The following UTRN variants were observed in gnomAD, a reference collection of about 807,000 sequenced individuals.
UTRN encodes the protein dystrophin-related protein 1.
UTRN carries 283 observed loss-of-function variants against 463.9 expected under a neutral mutation model. The ratio of observed to expected loss-of-function variants is 0.61; its 90% CI spans 0.55 to 0.67. The LOEUF is 0.67. Among genes scored for constraint, UTRN ranks in the 30% least tolerant of loss-of-function variants. The probability of loss-of-function intolerance (pLI) is 0.00; values close to 1 mark genes in which losing one functional copy is unlikely to be tolerated. For synonymous variants in UTRN, 1,442 were observed against 1,431.5 expected (o/e 1.01, Z -0.17); for missense variants, 3,922 against 4,084.3 (o/e 0.96, Z 1.08).
intron 61 of UTRN, among the ~76,000 whole-genome samples, chr6:144,786,281 A>G (rs1776282749): frequency 6.6e-6 from 1 of 151,758 alleles, no homozygotes; most frequent in Non-Finnish European, 1.5e-5. Context: ...AATGCATCTT[A>G]TTTGTTTGTT....
chr6:144,722,247 C>A lies in UTRN; in HGVS notation c.7810-8110C>A, dbSNP rs562082467. Among the ~76,000 whole-genome samples, 62 of 152,296 alleles carry A rather than the reference C, an allele frequency of 4.1e-4. 1 individual carries two copies. The South Asian group carries it at 0.012, about 31-fold the overall frequency. On this transcript the variant is annotated intron_variant, in intron 53 of 74. Transcript: ENST00000367545. ...GCATGCACTTGCCTCAGAGCCTTTG[C>A]ACTTTCCATTTTCTCTGCCTAGATT... is the stretch of plus-strand genomic sequence containing the variant.
At chr6:144,453,436 TGTTA>T (rs1331305030) in intron 18 of UTRN, among the ~76,000 whole-genome samples, 14 of 152,164 alleles carry the variant, frequency 9.2e-5, no homozygotes, top group African/African-American at 3.4e-4. Flanking sequence ...CCTTTTTTCT[TGTTA>T]GTTAATTTTT....
At chr6:144,413,740 T>G (rs1277461733) in intron 3 of UTRN, among the ~76,000 whole-genome samples, 1 of 152,196 alleles carries the variant, frequency 6.6e-6, no homozygotes, top group East Asian at 1.9e-4. Context: ...TACATAATAC[T>G]TGGTAGTGAT....
At chr6:144,677,945 G>A (rs552565183) in intron 51 of UTRN, among the ~76,000 whole-genome samples, 7 of 152,124 alleles carry the variant, frequency 4.6e-5, no homozygotes, top group Non-Finnish European at 1.0e-4. Flanking sequence ...TTTTGATGGG[G>A]TTGTTTGCTT....
chr6:144,489,196 C>T (rs921148709), intron 30 of UTRN, among the ~76,000 whole-genome samples: 8 of 152,024 alleles, frequency 5.3e-5, no homozygotes, highest in Middle Eastern at 3.2e-3. Context: ...ACTACAAGCA[C>T]GCGCCACCAC....
At chr6:144,537,839 G>C in intron 44 of UTRN, 122 bp downstream of exon 44, 1 of 1,340,586 alleles carries the variant, frequency 7.5e-7, no homozygotes. Context: ...TAAATGTGGT[G>C]AACCTGAAAG....
chr6:144,481,772 A>C (rs1360247463), intron 26 of UTRN, among the ~76,000 whole-genome samples: 12 of 152,366 alleles, frequency 7.9e-5, no homozygotes. Flanking sequence ...AAAACGCTCA[A>C]CTGGGCTGGG....
chr6:144,285,641 T>G lies in UTRN; in HGVS notation c.-273T>G, dbSNP rs939465926. 6.6e-6 allele frequency: 1 copy of G among 152,240 alleles called. No homozygotes were observed. The highest frequency in any genetic ancestry group is 1.5e-5 in the Non-Finnish European group (1 of 68,046). The allele number at this position is 152,240 out of a possible 1,614,324, so 9.4% of individuals were successfully genotyped here. ...ATTTCTCTTTCTTTCTTTCTTTTTT[T>G]AAAATTTCGGTTCGTGTCTGCTTCT... On this transcript the variant is annotated 5_prime_UTR_variant, in exon 1 of 75. Coordinates refer to ENST00000367545, the MANE Select transcript of UTRN (RefSeq NM_007124.3).
At chr6:144,387,379 T>A (rs1781508472) in intron 2 of UTRN, among the ~76,000 whole-genome samples, 1 of 152,202 alleles carries the variant, frequency 6.6e-6, no homozygotes, top group African/African-American at 2.4e-5. Flanking sequence ...CCTTAAGTGA[T>A]CCTCCTGCCT....
chr6:144,753,326 T>G (rs1490917723), intron 56 of UTRN, among the ~76,000 whole-genome samples: 1 of 152,144 alleles, frequency 6.6e-6, no homozygotes, highest in Admixed American at 6.6e-5. Flanking sequence ...AATGTGTATT[T>G]TTAAAAGGCT....
chr6:144,568,319 C>A (rs1412678724), intron 50 of UTRN, among the ~76,000 whole-genome samples: 1 of 152,002 alleles, frequency 6.6e-6, no homozygotes, highest in Non-Finnish European at 1.5e-5. Flanking sequence ...AGTCTGTGTT[C>A]TTTGTGATTT....
At chr6:144,805,931 A>G (rs1230715906) in intron 65 of UTRN, among the ~76,000 whole-genome samples, 1 of 152,200 alleles carries the variant, frequency 6.6e-6, no homozygotes, top group East Asian at 1.9e-4. Context: ...ATCAGATTGT[A>G]TAGAACCCTG....
intron 53 of UTRN, among the ~76,000 whole-genome samples, chr6:144,728,557 G>A (rs1003983260): frequency 2.6e-5 from 4 of 151,742 alleles, no homozygotes; most frequent in African/African-American, 9.7e-5. Context: ...GATGATGGAA[G>A]GTTTGTTATC....
chr6:144,797,600 AT>A (rs1475053766), intron 63 of UTRN: 9 of 419,524 alleles, frequency 2.1e-5, no homozygotes, highest in Non-Finnish European at 3.7e-5. Context: ...AAGTCTTGGT[AT>A]TTTTTTGCTT....
Position 144,534,530 on chromosome 6 carries a change from G to A in UTRN, c.6233+1270G>A, listed in dbSNP as rs139029531. Among the ~76,000 whole-genome samples, 715 of 152,292 alleles carry A rather than the reference G, an allele frequency of 4.7e-3. 6 individuals carry two copies. The highest frequency in any genetic ancestry group is 0.015 in the African/African-American group (623 of 41,562). ...ATGAGGATTAAATGCAATAGTGTTT[G>A]GAAAATGTGCATGCCTTGACTATTC... On this transcript the variant is annotated intron_variant, in intron 43 of 74. Coordinates refer to ENST00000367545, the MANE Select transcript of UTRN (RefSeq NM_007124.3).
intron 8 of UTRN, 108 bp downstream of exon 8, chr6:144,429,001 C>A: frequency 1.4e-6 from 1 of 697,864 alleles, no homozygotes; most frequent in Non-Finnish European, 2.3e-6. Context: ...ACTTGAAGAA[C>A]CTTTTCCTTT....
chr6:144,482,188 A>T (rs1791956326), intron 26 of UTRN, 21 bp from the exon 27 acceptor site: 2 of 1,427,956 alleles, frequency 1.4e-6, no homozygotes, highest in Non-Finnish European at 9.2e-7. Flanking sequence ...TTTCAAGTTC[A>T]TCCATCCTTT....
intron 2 of UTRN, among the ~76,000 whole-genome samples, chr6:144,304,734 T>A (rs1805558471): frequency 6.6e-6 from 1 of 152,162 alleles, no homozygotes; most frequent in Non-Finnish European, 1.5e-5. Flanking sequence ...AAGAGTGTTA[T>A]AAGCCATCTT....
chr6:144,413,902 C>A (rs1450162847), intron 3 of UTRN, among the ~76,000 whole-genome samples: 1 of 152,150 alleles, frequency 6.6e-6, no homozygotes, highest in African/African-American at 2.4e-5. Context: ...CTCCCCTGTT[C>A]AAGCGATTCT....
Sources: gnomAD v4.1 joint callset for allele counts (sites outside exome capture counted in the v4.1 genomes callset) on GRCh38, gnomAD v4.1.1 for gene constraint, MANE v1.5 for transcripts, NCBI Gene and HGNC (gene_info 2026-07-23, HGNC 2026-07-21) for gene names.